GLRA1: variants seen among roughly 807,000 people sequenced by gnomAD.
GLRA1 encodes glycine receptor alpha 1.
Under a neutral mutation model 48.3 loss-of-function variants are expected in GLRA1, and 37 were observed. The observed-to-expected ratio is 0.77, with a 90% confidence interval of 0.59 to 1.01. The LOEUF is 1.01. GLRA1 is among the 50% of genes least tolerant of loss of function. The pLI is 0.00. For missense variants in GLRA1, 427 were observed against 571.0 expected (o/e 0.75, Z 2.57); for synonymous variants, 196 against 210.7 (o/e 0.93, Z 0.60).
intron 3 of GLRA1, among the ~76,000 whole-genome samples, chr5:151,871,416 A>G (rs1753480907): frequency 6.7e-6 from 1 of 149,632 alleles, no homozygotes; most frequent in South Asian, 2.1e-4. Flanking sequence ...TATATATTTA[A>G]AAAAATCAAA....
intron 7 of GLRA1, among the ~76,000 whole-genome samples, chr5:151,829,611 GATATAATTCACATACC>G (rs1763373922): frequency 6.6e-6 from 1 of 152,140 alleles, no homozygotes; most frequent in South Asian, 2.1e-4. Context: ...GTGTTATTGA[GATATAATTCACATACC>G]ATACAATTCA....
chr5:151,916,861 C>T (rs1754753254), intron 1 of GLRA1, among the ~76,000 whole-genome samples: 1 of 152,134 alleles, frequency 6.6e-6, no homozygotes, highest in Admixed American at 6.5e-5. Flanking sequence ...TGCACCAGGA[C>T]TTCAGAGACC....
intron 2 of GLRA1, among the ~76,000 whole-genome samples, chr5:151,890,815 C>T (rs933432134): frequency 6.6e-6 from 1 of 152,166 alleles, no homozygotes; most frequent in African/African-American, 2.4e-5. Context: ...GGGACAGCAA[C>T]CTTGTTATTG....
chr5:151,884,289 C>T (rs551929491), intron 3 of GLRA1, among the ~76,000 whole-genome samples: 5 of 152,098 alleles, frequency 3.3e-5, no homozygotes, highest in African/African-American at 1.2e-4. Flanking sequence ...ATTAGCTGGG[C>T]CTGGTGGTGC....
At chr5:151,834,025 G>GT (rs1439261841) in intron 7 of GLRA1, among the ~76,000 whole-genome samples, 1 of 152,044 alleles carries the variant, frequency 6.6e-6, no homozygotes, top group Non-Finnish European at 1.5e-5. Flanking sequence ...CACAATAATA[G>GT]TGGGAGACTT....
intron 1 of GLRA1, among the ~76,000 whole-genome samples, chr5:151,899,558 C>T (rs532121342): frequency 6.6e-6 from 1 of 152,170 alleles, no homozygotes; most frequent in Non-Finnish European, 1.5e-5. Context: ...GTTTCCCATC[C>T]CCGGCTCTGA....
At chr5:151,916,545 T>A (rs1561584181) in intron 1 of GLRA1, among the ~76,000 whole-genome samples, 1 of 152,196 alleles carries the variant, frequency 6.6e-6, no homozygotes, top group Non-Finnish European at 1.5e-5. Flanking sequence ...AAGATCATGG[T>A]CCTGAGGTCA....
intron 1 of GLRA1, 28 bp downstream of exon 1, chr5:151,924,466 G>T: frequency 7.2e-7 from 1 of 1,387,280 alleles, no homozygotes; most frequent in Non-Finnish European, 1.0e-6. Flanking sequence ...TTCCATCAGA[G>T]CGATGTGGTC....
chr5:151,924,439 G>A (rs1354349420), intron 1 of GLRA1, 55 bp downstream of exon 1: 1 of 1,078,608 alleles, frequency 9.3e-7, no homozygotes, highest in Non-Finnish European at 1.4e-6. Flanking sequence ...GGTAGCCTCC[G>A]TACTCTTTCC....
At position 151,828,880 on chromosome 5, in the gene GLRA1, C is replaced by CT. The variant is rs774323435; in HGVS notation, c.1059+40dup. On this transcript the variant is annotated intron_variant, in intron 8 of 8. Transcript: ENST00000274576. ...ATACTGCTTAGAACTCTTTTGTTTA[C>CT]TAACAGCTGTCCCTCCTTAGGCAGT... is the stretch of plus-strand genomic sequence containing the variant. 47 of 1,592,636 alleles carry CT rather than the reference C, an allele frequency of 3.0e-5. No homozygotes were observed. In the South Asian group the frequency reaches 5.0e-4, roughly 17 times the overall value.
At chr5:151,858,042 G>A (rs1243824787) in intron 4 of GLRA1, among the ~76,000 whole-genome samples, 1 of 152,180 alleles carries the variant, frequency 6.6e-6, no homozygotes, top group Non-Finnish European at 1.5e-5. Flanking sequence ...TTTGCTGGCA[G>A]CACTGCTCTC....
chr5:151,825,108 C>T (rs949433616), intron 8 of GLRA1, among the ~76,000 whole-genome samples: 2 of 152,128 alleles, frequency 1.3e-5, no homozygotes, highest in Non-Finnish European at 2.9e-5. Flanking sequence ...ACCTACAGTG[C>T]CTGGCAAACA....
chr5:151,899,562 G>A (rs1287221272), intron 1 of GLRA1, among the ~76,000 whole-genome samples: 2 of 152,100 alleles, frequency 1.3e-5, no homozygotes, highest in African/African-American at 4.8e-5. Context: ...CCCATCCCCG[G>A]CTCTGACCCC....
chr5:151,849,222 C>T (rs1422127080), intron 7 of GLRA1, among the ~76,000 whole-genome samples: 4 of 63,102 alleles, frequency 6.3e-5, no homozygotes, highest in Non-Finnish European at 1.2e-4. Flanking sequence ...TCCTTTCTTC[C>T]TTCCTTCCTT....
chr5:151,899,637 G>T (rs1227520949), intron 1 of GLRA1, among the ~76,000 whole-genome samples: 1 of 152,180 alleles, frequency 6.6e-6, no homozygotes, highest in Non-Finnish European at 1.5e-5. Flanking sequence ...GTCTGAGTTG[G>T]ATCATCAGGT....
At chr5:151,849,901 T>G (rs1402663894) in intron 7 of GLRA1, 3 of 1,520,342 alleles carry the variant, frequency 2.0e-6, no homozygotes, top group Non-Finnish European at 2.6e-6. Context: ...GCTCCAACAG[T>G]GACATGCATT....
chr5:151,884,109 A>G (rs1161495494), intron 3 of GLRA1, among the ~76,000 whole-genome samples: 1 of 152,184 alleles, frequency 6.6e-6, no homozygotes. Flanking sequence ...TGCTTGGTGA[A>G]CATTTACAAA....
intron 1 of GLRA1, among the ~76,000 whole-genome samples, chr5:151,906,895 C>A (rs917147266): frequency 1.3e-5 from 2 of 152,264 alleles, no homozygotes; most frequent in Non-Finnish European, 2.9e-5. Context: ...ACCTGTCGGA[C>A]TTTTAAAGAG....
At chr5:151,862,139 C>T (rs1352725927) in intron 3 of GLRA1, among the ~76,000 whole-genome samples, 5 of 152,118 alleles carry the variant, frequency 3.3e-5, no homozygotes, top group Non-Finnish European at 7.4e-5. Flanking sequence ...CATCTACAAC[C>T]ATCTGATCTT....
Sources: gnomAD v4.1 joint callset for allele counts (sites outside exome capture counted in the v4.1 genomes callset) on GRCh38, gnomAD v4.1.1 for gene constraint, MANE v1.5 for transcripts, NCBI Gene and HGNC (gene_info 2026-07-23, HGNC 2026-07-21) for gene names.